PLPP4: variants seen among roughly 807,000 people sequenced by gnomAD.
PLPP4 encodes the protein diacylglycerol pyrophosphate like 2.
In PLPP4, 20 loss-of-function variants were observed where a neutral mutation model predicts 32.2. The ratio of observed to expected loss-of-function variants is 0.62; its 90% CI spans 0.44 to 0.90. The LOEUF is 0.90. Among genes scored for constraint, PLPP4 ranks in the 40% least tolerant of loss-of-function variants. The probability of loss-of-function intolerance (pLI) is 0.00; values close to 1 mark genes in which losing one functional copy is unlikely to be tolerated. For missense variants in PLPP4, 257 were observed against 353.1 expected (o/e 0.73, Z 2.18); for synonymous variants, 127 against 133.0 (o/e 0.95, Z 0.31).
chr10:120,545,163 C>A (rs1450612433), intron 5 of PLPP4, among the ~76,000 whole-genome samples: 2 of 152,252 alleles, frequency 1.3e-5, no homozygotes, highest in African/African-American at 4.8e-5. Context: ...GAGAGCCAGC[C>A]ACTTAGCCAG....
At chr10:120,509,870 G>C (rs779986449) in intron 2 of PLPP4, among the ~76,000 whole-genome samples, 6 of 151,892 alleles carry the variant, frequency 4.0e-5, no homozygotes, top group Non-Finnish European at 8.8e-5. Flanking sequence ...TTTTAACTTG[G>C]AAAAAAAGCA....
chr10:120,515,621 T>C (rs1032498930), intron 3 of PLPP4, among the ~76,000 whole-genome samples: 3 of 152,148 alleles, frequency 2.0e-5, no homozygotes, highest in African/African-American at 7.2e-5. Flanking sequence ...GGCTTGGACT[T>C]TTGGTCACAG....
intron 1 of PLPP4, among the ~76,000 whole-genome samples, chr10:120,488,971 G>A (rs933040440): frequency 6.6e-5 from 10 of 152,200 alleles, no homozygotes; most frequent in African/African-American, 2.4e-4. Context: ...TTTGAGATAA[G>A]ATGTAAGAAG....
In PLPP4 at chr10:120,589,497, G is replaced by A. The variant is rs1310656757; in HGVS notation, c.811G>A (p.Val271Ile). 1 of 1,613,678 alleles carries A rather than the reference G, an allele frequency of 6.2e-7. No individual in the cohort carries two copies. Among genetic ancestry groups the A allele is most frequent in the East Asian group, 2.2e-5 (1 of 44,870 alleles). Residue 271 changes from valine (V) to isoleucine (I), a missense_variant, in exon 7 of 7, where the codon GTA becomes ATA. Physicochemically the swap from Val to Ile is conservative, Grantham distance 29. Coordinates refer to ENST00000398250, the MANE Select transcript of PLPP4 (RefSeq NM_001030059.3). ...TCTGGAGGGGATCACCGAAGGCCCG[G>A]TATGACCAGTGTCCTGGGAGGATGG... ...LPLEGITEGP[V>I]
At chr10:120,582,801 C>CCCTT (rs934017394) in intron 6 of PLPP4, among the ~76,000 whole-genome samples, 2 of 128,644 alleles carry the variant, frequency 1.6e-5, no homozygotes, top group East Asian at 2.4e-4. Context: ...CTCCCTCCCT[C>CCCTT]CCTTCCTTCC....
intron 5 of PLPP4, among the ~76,000 whole-genome samples, chr10:120,527,722 TAGC>T (rs1317488202): frequency 6.6e-6 from 1 of 152,232 alleles, no homozygotes; most frequent in Non-Finnish European, 1.5e-5. Context: ...TTACTGTTGA[TAGC>T]AGAGTCCTTG....
intron 3 of PLPP4, among the ~76,000 whole-genome samples, chr10:120,517,638 C>T (rs770536985): frequency 6.6e-6 from 1 of 152,220 alleles, no homozygotes; most frequent in Non-Finnish European, 1.5e-5. Context: ...CCCCATCTCA[C>T]ACTTAGGTGA....
At chr10:120,465,913 G>A (rs920243081) in intron 1 of PLPP4, among the ~76,000 whole-genome samples, 3 of 152,032 alleles carry the variant, frequency 2.0e-5, no homozygotes, top group East Asian at 1.9e-4. Flanking sequence ...GTTCGTTCTC[G>A]TGTGCTCCAA....
chr10:120,462,258 G>T (rs764100993), intron 1 of PLPP4, among the ~76,000 whole-genome samples: 1 of 152,166 alleles, frequency 6.6e-6, no homozygotes, highest in African/African-American at 2.4e-5. Flanking sequence ...GGCAGGAAGG[G>T]AGCCTGGAAG....
chr10:120,536,540 C>T (rs1296895695), intron 5 of PLPP4, among the ~76,000 whole-genome samples: 1 of 151,664 alleles, frequency 6.6e-6, no homozygotes, highest in Non-Finnish European at 1.5e-5. Context: ...AAAATCAATT[C>T]AAAATGAATT....
In PLPP4 at chr10:120,468,559, T is replaced by C. The variant is rs1848398948; in HGVS notation, c.56+11198T>C. Among the ~76,000 whole-genome samples, 3 of 65,488 alleles carry C rather than the reference T, an allele frequency of 4.6e-5. 1 individual carries two copies. Among genetic ancestry groups the C allele is most frequent in the African/African-American group, 9.8e-5 (3 of 30,750 alleles). The allele number at this position is 65,488 out of a possible 152,430, so 43.0% of individuals were successfully genotyped here. On this transcript the variant is annotated intron_variant, in intron 1 of 6. Transcript: ENST00000398250. ...TTATGTAATATTTGCTTTTTAAATG[T>C]TTATGTCTAAATTATTTTATAGTAA...
chr10:120,533,848 G>T (rs1047794307), intron 5 of PLPP4, among the ~76,000 whole-genome samples: 1 of 151,858 alleles, frequency 6.6e-6, no homozygotes. Flanking sequence ...TTACCATCTG[G>T]TTTCATTTCC....
intron 5 of PLPP4, among the ~76,000 whole-genome samples, chr10:120,573,898 G>T (rs1469111425): frequency 1.3e-5 from 2 of 152,058 alleles, no homozygotes; most frequent in East Asian, 1.9e-4. Flanking sequence ...AGGGCTTTGG[G>T]CAGTCTCTTA....
At chr10:120,575,045 A>C in intron 5 of PLPP4, 86 bp from the exon 6 acceptor site, 1 of 1,445,938 alleles carries the variant, frequency 6.9e-7, no homozygotes. Flanking sequence ...GGGGGTGTGC[A>C]AGACGGCAGA....
At chr10:120,485,376 G>C (rs1844398785) in intron 1 of PLPP4, among the ~76,000 whole-genome samples, 1 of 152,220 alleles carries the variant, frequency 6.6e-6, no homozygotes, top group African/African-American at 2.4e-5. Context: ...AGGACTGGAG[G>C]GGACCCCTTT....
intron 5 of PLPP4, among the ~76,000 whole-genome samples, chr10:120,528,567 A>G (rs1846539500): frequency 6.6e-6 from 1 of 152,130 alleles, no homozygotes; most frequent in South Asian, 2.1e-4. Flanking sequence ...AGATCCCCTC[A>G]TGGTTTTTTC....
At chr10:120,501,517 T>C (rs1845248515) in intron 1 of PLPP4, among the ~76,000 whole-genome samples, 1 of 152,218 alleles carries the variant, frequency 6.6e-6, no homozygotes, top group African/African-American at 2.4e-5. Context: ...GTGTCTATTT[T>C]AGAGATGAAG....
At chr10:120,501,737 GCCCATCAGGGCCA>G (rs1157632797) in intron 1 of PLPP4, among the ~76,000 whole-genome samples, 1 of 152,156 alleles carries the variant, frequency 6.6e-6, no homozygotes, top group Admixed American at 6.5e-5. Flanking sequence ...GGGACTCCTG[GCCCATCAGGGCCA>G]CCTAGGGGAG....
At chr10:120,559,510 C>G (rs1330382241) in intron 5 of PLPP4, among the ~76,000 whole-genome samples, 1 of 152,140 alleles carries the variant, frequency 6.6e-6, no homozygotes. Context: ...CCAGAATTAG[C>G]ATCTTATGCA....
Sources: gnomAD v4.1 joint callset for allele counts (sites outside exome capture counted in the v4.1 genomes callset) on GRCh38, gnomAD v4.1.1 for gene constraint, MANE v1.5 for transcripts, NCBI Gene and HGNC (gene_info 2026-07-23, HGNC 2026-07-21) for gene names.